Variants in TRIOBP observed in about 807,000 individuals in gnomAD.
TRIOBP encodes TRIO and F-actin binding protein.
TRIOBP carries 169 observed loss-of-function variants against 238.8 expected under a neutral mutation model. That is an observed-to-expected ratio of 0.71 (90% CI 0.62 to 0.80). The LOEUF is 0.80. Ranked by LOEUF, TRIOBP falls within the 30% of genes least tolerant of loss-of-function variation. The probability of loss-of-function intolerance (pLI) is 0.00; values close to 1 mark genes in which losing one functional copy is unlikely to be tolerated. For missense variants in TRIOBP, 2,838 were observed against 3,122.6 expected, an observed-to-expected ratio of 0.91 and a Z score of 2.17; for synonymous variants, 1,150 against 1,274.4, an observed-to-expected ratio of 0.90 and a Z score of 2.08.
At chr22:37,703,503 C>CT (rs372141125) in intron 3 of TRIOBP, among the ~76,000 whole-genome samples, 30,757 of 124,536 alleles carry the variant, frequency 0.25, 4,569 homozygotes, top group South Asian at 0.42. Context: ...TGAAGGTCCT[C>CT]TTTTTTTTTT....
chr22:37,762,019 A>G (rs1300116868), intron 17 of TRIOBP, among the ~76,000 whole-genome samples: 1 of 151,928 alleles, frequency 6.6e-6, no homozygotes, highest in Admixed American at 6.6e-5. Context: ...TGGGGCTGGG[A>G]CCCATTCGTA....
chr22:37,767,077 C>G (rs1452888015), intron 18 of TRIOBP, among the ~76,000 whole-genome samples: 1 of 152,056 alleles, frequency 6.6e-6, no homozygotes, highest in East Asian at 1.9e-4. Context: ...ATGGTGAAAC[C>G]CTGTCTCTAC....
intron 21 of TRIOBP, 119 bp downstream of exon 21, chr22:37,769,494 G>A: frequency 3.0e-6 from 3 of 1,007,978 alleles, no homozygotes; most frequent in Non-Finnish European, 4.5e-6. Flanking sequence ...CCAGTGGCTG[G>A]GCCAGCCTGA....
At chr22:37,749,315 A>G (rs1925451164) in intron 11 of TRIOBP, among the ~76,000 whole-genome samples, 1 of 152,072 alleles carries the variant, frequency 6.6e-6, no homozygotes, top group African/African-American at 2.4e-5. Context: ...AGATGGCGCC[A>G]TTGCACTCCA....
chr22:37,733,260 G>A, intron 7 of TRIOBP, 38 bp from the exon 8 acceptor site: 1 of 1,475,910 alleles, frequency 6.8e-7, no homozygotes, highest in Middle Eastern at 1.7e-4. Flanking sequence ...GCTGGGAGTG[G>A]GACAGTCCCT....
chr22:37,732,112 T>A (rs1924452002), intron 7 of TRIOBP, among the ~76,000 whole-genome samples: 1 of 152,186 alleles, frequency 6.6e-6, no homozygotes, highest in Non-Finnish European at 1.5e-5. Context: ...CCAACCAAAA[T>A]AAACATTCAT....
chr22:37,704,476 GAAGGGGGAGGGGGA>G (rs1440782900), intron 3 of TRIOBP, among the ~76,000 whole-genome samples: 1 of 142,552 alleles, frequency 7.0e-6, no homozygotes, highest in Non-Finnish European at 1.5e-5. Flanking sequence ...AGGGGGAGGG[GAAGGGGGAGGGGGA>G]GAGAGAGGAG....
chr22:37,762,517 G>T (rs1327871912), intron 17 of TRIOBP, among the ~76,000 whole-genome samples: 1 of 152,258 alleles, frequency 6.6e-6, no homozygotes, highest in African/African-American at 2.4e-5. Context: ...TTGAGCTATA[G>T]GCAGACCTGT....
rs1296649082 is a variant in TRIOBP at position 37,755,741 on chromosome 22, G to A, written c.5687+82G>A. 1.3e-5 allele frequency: 16 copies of A among 1,187,086 alleles called. 1 individual carries two copies. The highest frequency in any genetic ancestry group is 1.9e-4 in the Middle Eastern group (1 of 5,320). The allele number at this position is 1,187,086 out of a possible 1,614,324, so 73.5% of individuals were successfully genotyped here. On this transcript the variant is annotated intron_variant, in intron 15 of 23. Coordinates refer to ENST00000644935, the MANE Select transcript of TRIOBP (RefSeq NM_001039141.3). ...GTGGGTTTCTAGGTACTCACCTGAG[G>A]GCTGCACCTTTCTGGGCCCTCGTTT...
Position 37,768,206 on chromosome 22 carries a change from C to T in TRIOBP, c.6575+30C>T, listed in dbSNP as rs751116968. On this transcript the variant is annotated intron_variant, in intron 19 of 23. Transcript: ENST00000644935. The stretch of plus-strand genomic sequence containing the variant: ...GATGATGCCGGGGCCCAACTGCCCA[C>T]CCTGATGGTTATGGGTTGAGGAACT... 1.0e-5 allele frequency: 16 copies of T among 1,574,194 alleles called. No homozygotes were observed. The Admixed American group carries it at 2.1e-4, about 21-fold the overall frequency.
At chr22:37,749,783 CAA>C (rs893218020) in intron 11 of TRIOBP, among the ~76,000 whole-genome samples, 21 of 60,272 alleles carry the variant, frequency 3.5e-4, no homozygotes, top group African/African-American at 1.0e-3. Context: ...CCCATCTCTA[CAA>C]AAAAAAAAAA....
At chr22:37,709,335 C>T (rs1923112818) in intron 3 of TRIOBP, among the ~76,000 whole-genome samples, 1 of 152,228 alleles carries the variant, frequency 6.6e-6, no homozygotes, top group African/African-American at 2.4e-5. Context: ...AGGTGAGCTG[C>T]TGGGATCGGG....
intron 7 of TRIOBP, among the ~76,000 whole-genome samples, chr22:37,730,947 A>T (rs1279549519): frequency 1.4e-4 from 2 of 14,204 alleles, no homozygotes; most frequent in African/African-American, 3.7e-3. Flanking sequence ...ACTCCATCTC[A>T]AAAAAAAAAA....
At chr22:37,755,268 A>T in intron 14 of TRIOBP, 78 bp downstream of exon 14, 1 of 1,393,790 alleles carries the variant, frequency 7.2e-7, no homozygotes, top group South Asian at 1.2e-5. Context: ...GGTGTTGAAC[A>T]TGGCTCACCA....
rs376111106 is a variant in TRIOBP, at chr22:37,725,108, G to T, written c.2552G>T (p.Arg851Leu). Reference protein sequence around the residue: ...RDNLRPTCTQRDRTQSFSFQR... With the variant: ...RDNLRPTCTQLDRTQSFSFQR... ...AACCTCAGACCCACTTGTACACAGC[G>T]GGACCGCACACAGTCCTTTTCCTTT... The change falls in exon 7 of 24, where the codon CGG becomes CTG. Residue 851 changes from arginine (R) to leucine (L), a missense_variant. Coordinates refer to ENST00000644935, the MANE Select transcript of TRIOBP (RefSeq NM_001039141.3). The T allele has an allele frequency of 3.1e-6, 5 of 1,613,896 alleles. No homozygotes were observed. Among genetic ancestry groups the T allele is most frequent in the Non-Finnish European group, 4.2e-6 (5 of 1,180,008 alleles).
chr22:37,723,091 C>T (rs1923917178), intron 6 of TRIOBP, 94 bp from the exon 7 acceptor site: 9 of 1,309,738 alleles, frequency 6.9e-6, no homozygotes, highest in Non-Finnish European at 9.6e-6. Flanking sequence ...GTGGGGTTTG[C>T]CCTAATCACT....
At chr22:37,738,532 G>A (rs1355605844) in intron 9 of TRIOBP, 110 bp from the exon 10 acceptor site, 20 of 1,013,716 alleles carry the variant, frequency 2.0e-5, no homozygotes, top group South Asian at 2.7e-5. Context: ...GATGCTGGAC[G>A]TTAGATGGGT....
intron 6 of TRIOBP, among the ~76,000 whole-genome samples, chr22:37,719,039 G>T (rs1377459919): frequency 6.6e-6 from 1 of 150,978 alleles, no homozygotes; most frequent in East Asian, 2.0e-4. Flanking sequence ...GTAGAGACAG[G>T]GTTTCACCAT....
chr22:37,755,496 G>GA (rs2145867141), intron 14 of TRIOBP, 54 bp from the exon 15 acceptor site: 1 of 1,501,992 alleles, frequency 6.7e-7, no homozygotes, highest in Non-Finnish European at 9.3e-7. Flanking sequence ...CCATAGTGGG[G>GA]AGGGAGTCAT....
Sources: allele counts gnomAD v4.1 joint callset (sites outside exome capture counted in the v4.1 genomes callset), GRCh38; gene constraint gnomAD v4.1.1; transcripts MANE v1.5; gene names NCBI Gene and HGNC (gene_info 2026-07-23, HGNC 2026-07-21).